The following TPRG1 variants were observed in gnomAD, a reference collection of about 807,000 sequenced individuals.
TPRG1 encodes the protein tumor protein p63 regulated 1.
TPRG1 carries 29 observed loss-of-function variants against 29.3 expected under a neutral mutation model. The observed-to-expected ratio is 0.99, with a 90% CI of 0.74 to 1.35. The LOEUF (loss-of-function observed/expected upper bound fraction) is 1.35. Among genes scored for constraint, TPRG1 ranks in the 40% most tolerant of loss-of-function variants. The probability of loss-of-function intolerance (pLI) is 0.00; values close to 1 mark genes in which losing one functional copy is unlikely to be tolerated. For missense variants in TPRG1, 327 were observed against 335.0 expected (o/e 0.98, Z 0.19); for synonymous variants, 130 against 116.8 (o/e 1.11, Z -0.73).
At chr3:189,188,461 G>A (rs1731244897) in intron 1 of TPRG1, among the ~76,000 whole-genome samples, 2 of 152,194 alleles carry the variant, frequency 1.3e-5, no homozygotes, top group Non-Finnish European at 2.9e-5. Context: ...TCACTCGTCT[G>A]GATAGCCTGC....
chr3:189,058,441 G>T (rs1715876648), intron 4 of TPRG1, among the ~76,000 whole-genome samples: 1 of 152,114 alleles, frequency 6.6e-6, no homozygotes, highest in African/African-American at 2.4e-5. Context: ...AATGTTAGCT[G>T]GTTTCTATAA....
In TPRG1 at chr3:189,185,557, AT is replaced by A. The variant is rs149163256; in HGVS notation, c.-10+13435del. ...AGTTATTTGAAACAATATTTACGAC[AT>A]TTTTTTTTCCTGTCAGTCCTAAGGA... On this transcript the variant is annotated intron_variant, in intron 1 of 5. Coordinates refer to ENST00000345063, the MANE Select transcript of TPRG1 (RefSeq NM_198485.4). Among the ~76,000 whole-genome samples the A allele has an allele frequency of 7.0e-3, 1,058 of 151,316 alleles. 34 individuals carry two copies. Among genetic ancestry groups the A allele is most frequent in the Admixed American group, 0.058 (877 of 15,184 alleles).
At chr3:189,170,582 G>C (rs1235796051), upstream of TPRG1, among the ~76,000 whole-genome samples, 1 of 152,106 alleles carries the variant, frequency 6.6e-6, no homozygotes, top group Non-Finnish European at 1.5e-5. Flanking sequence ...TTATCTTCTT[G>C]AGCTCCTTAT....
intron 4 of TPRG1, among the ~76,000 whole-genome samples, chr3:189,251,420 G>A (rs1370657948): frequency 6.6e-6 from 1 of 152,114 alleles, no homozygotes; most frequent in East Asian, 1.9e-4. Context: ...TCGTTAGGTG[G>A]AACGAGAGAC....
chr3:189,225,728 G>T (rs373849827), intron 3 of TPRG1, among the ~76,000 whole-genome samples: 14 of 151,878 alleles, frequency 9.2e-5, no homozygotes, highest in East Asian at 1.9e-4. Flanking sequence ...GGAGGGTAGG[G>T]TGGGTTTAAG....
chr3:189,316,327 G>T (rs145235256), intron 5 of TPRG1, among the ~76,000 whole-genome samples: 220 of 152,344 alleles, frequency 1.4e-3, no homozygotes, highest in African/African-American at 5.0e-3. Flanking sequence ...AGTCTGTCCA[G>T]CAGTGTGACT....
intron 1 of TPRG1, among the ~76,000 whole-genome samples, chr3:189,116,725 A>G (rs1467582856): frequency 1.6e-4 from 24 of 152,240 alleles, no homozygotes; most frequent in Admixed American, 1.6e-3. Context: ...CATGAGGTAC[A>G]TGAAGTAGTC....
At chr3:189,316,676 C>T (rs1577053602) in intron 5 of TPRG1, among the ~76,000 whole-genome samples, 1 of 152,158 alleles carries the variant, frequency 6.6e-6, no homozygotes, top group East Asian at 1.9e-4. Context: ...CCACCACGCA[C>T]ACTGCTGCTA....
At chr3:189,261,795 G>C (rs1015687021) in intron 4 of TPRG1, among the ~76,000 whole-genome samples, 2 of 152,154 alleles carry the variant, frequency 1.3e-5, no homozygotes, top group Admixed American at 6.6e-5. Flanking sequence ...TTTATTACGG[G>C]ATGAGCCAAA....
rs138166987 is a variant in TPRG1, at chr3:189,239,745, T to G, written c.479+836T>G. Among the ~76,000 whole-genome samples, 79 of 152,284 alleles carry G rather than the reference T, an allele frequency of 5.2e-4. No homozygotes were observed. In the East Asian group the frequency reaches 0.014, roughly 26 times the overall value. ...TAGAACCAAAATGGGTAGTAGCTCT[T>G]CTTATAAAATGTCTCTTGGGATCAT... On this transcript the variant is annotated intron_variant, in intron 4 of 5. Coordinates refer to ENST00000345063, the MANE Select transcript of TPRG1 (RefSeq NM_198485.4).
At chr3:189,131,682 C>G (rs1723127536) in intron 2 of TPRG1, among the ~76,000 whole-genome samples, 1 of 152,316 alleles carries the variant, frequency 6.6e-6, no homozygotes, top group Middle Eastern at 3.4e-3. Context: ...AGATTGTCCT[C>G]ATTAAGACCC....
At chr3:189,136,545 G>A (rs1723766400) in intron 3 of TPRG1, among the ~76,000 whole-genome samples, 1 of 152,142 alleles carries the variant, frequency 6.6e-6, no homozygotes, top group Non-Finnish European at 1.5e-5. Context: ...GCTTGCTAAA[G>A]ACTCCTGGCT....
At chr3:189,288,932 T>A (rs1718529455) in intron 4 of TPRG1, among the ~76,000 whole-genome samples, 1 of 152,212 alleles carries the variant, frequency 6.6e-6, no homozygotes, top group African/African-American at 2.4e-5. Context: ...GGTGCCTGTA[T>A]CTGTACGTGA....
At position 189,207,120 on chromosome 3, in the gene TPRG1, C is replaced by A. The variant is rs1487298883; in HGVS notation, c.-9-256C>A. Reference sequence around the variant, plus strand: ...TCTTCTCTTGTTCAGGTTCCTGTCTCCTGGGATTAAACTCCTTTTCTCTGT... The same window carrying A: ...TCTTCTCTTGTTCAGGTTCCTGTCTACTGGGATTAAACTCCTTTTCTCTGT... On this transcript the variant is annotated intron_variant, in intron 1 of 5. Transcript: ENST00000345063. 3.1e-6 allele frequency: 3 copies of A among 963,182 alleles called. No homozygotes were observed. The African/African-American group carries it at 5.3e-5, about 17-fold the overall frequency. The allele number at this position is 963,182 out of a possible 1,614,324, so 59.7% of individuals were successfully genotyped here. A position where few individuals can be genotyped will look rare whatever the true frequency, so the allele number is the denominator to read the frequency against.
At chr3:189,298,914 C>T (rs1486243356) in intron 4 of TPRG1, among the ~76,000 whole-genome samples, 2 of 152,126 alleles carry the variant, frequency 1.3e-5, no homozygotes, top group African/African-American at 2.4e-5. Context: ...CCCTCTCGGG[C>T]AGACCCATGG....
At chr3:189,145,087 G>A (rs895630132) in intron 3 of TPRG1, among the ~76,000 whole-genome samples, 1 of 152,120 alleles carries the variant, frequency 6.6e-6, no homozygotes, top group African/African-American at 2.4e-5. Flanking sequence ...ACACCGGCCG[G>A]GTGCGGTGGC....
At chr3:189,091,884 A>T (rs1718360449) in intron 4 of TPRG1, among the ~76,000 whole-genome samples, 1 of 151,980 alleles carries the variant, frequency 6.6e-6, no homozygotes, top group African/African-American at 2.4e-5. Context: ...AAATACATAG[A>T]CATGTATTTT....
At chr3:189,108,451 T>A (rs1720079566) in intron 1 of TPRG1, among the ~76,000 whole-genome samples, 1 of 152,040 alleles carries the variant, frequency 6.6e-6, no homozygotes, top group Admixed American at 6.6e-5. Flanking sequence ...GTGTAGTATG[T>A]GAATTAATTA....
chr3:189,217,432 A>G (rs1736241245), intron 3 of TPRG1, among the ~76,000 whole-genome samples: 1 of 152,144 alleles, frequency 6.6e-6, no homozygotes, highest in Non-Finnish European at 1.5e-5. Context: ...ATTTCTTACT[A>G]TCATATTTGC....
Sources: allele counts gnomAD v4.1 joint callset (sites outside exome capture counted in the v4.1 genomes callset), GRCh38; gene constraint gnomAD v4.1.1; transcripts MANE v1.5; gene names NCBI Gene and HGNC (gene_info 2026-07-23, HGNC 2026-07-21).